Variants in FREM2 observed in about 807,000 individuals in gnomAD.
The protein encoded by FREM2 is FRAS1-related extracellular matrix protein 2.
In FREM2, 119 loss-of-function variants were observed where a neutral mutation model predicts 219.9. The observed-to-expected ratio is 0.54, with a 90% confidence interval of 0.47 to 0.63. The LOEUF is 0.63. Among genes scored for constraint, FREM2 ranks in the 30% least tolerant of loss-of-function variants. FREM2 has a pLI of 0.00. For missense variants in FREM2, 4,030 were observed against 3,993.6 expected (o/e 1.01, Z -0.25); for synonymous variants, 1,562 against 1,522.8 (o/e 1.03, Z -0.60).
chr13:38,781,265 C>T (rs1365800446), intron 4 of FREM2, among the ~76,000 whole-genome samples: 1 of 152,168 alleles, frequency 6.6e-6, no homozygotes, highest in African/African-American at 2.4e-5. Flanking sequence ...CTGGAATTCT[C>T]TTAAGTTGTT....
chr13:38,769,551 A>G, intron 3 of FREM2, 27 bp from the exon 4 acceptor site: 1 of 1,571,274 alleles, frequency 6.4e-7, no homozygotes, highest in Non-Finnish European at 8.8e-7. Flanking sequence ...AATGAAACTA[A>G]GAAAATGATA....
intron 2 of FREM2, among the ~76,000 whole-genome samples, chr13:38,704,683 T>C (rs938322236): frequency 8.5e-5 from 13 of 152,158 alleles, no homozygotes; most frequent in Non-Finnish European, 1.3e-4. Flanking sequence ...GAAAAGAGTA[T>C]CCACCTGTAT....
At chr13:38,701,347 C>T (rs1330643937) in intron 2 of FREM2, among the ~76,000 whole-genome samples, 1 of 152,094 alleles carries the variant, frequency 6.6e-6, no homozygotes, top group African/African-American at 2.4e-5. Context: ...ATATATGTAG[C>T]AACTGCCTGT....
chr13:38,863,357 A>G (rs567843237), intron 15 of FREM2, among the ~76,000 whole-genome samples: 5 of 152,186 alleles, frequency 3.3e-5, no homozygotes, highest in Non-Finnish European at 7.3e-5. Flanking sequence ...GCCAGTTTTC[A>G]ACATTTATGA....
chr13:38,861,710 T>G (rs1877770099), intron 15 of FREM2, 148 bp downstream of exon 15: 2 of 874,164 alleles, frequency 2.3e-6, no homozygotes, highest in Admixed American at 3.8e-5. Flanking sequence ...TTCAACTGTT[T>G]TAGCTTTGTT....
chr13:38,818,304 T>C (rs868636681), intron 6 of FREM2, among the ~76,000 whole-genome samples: 1 of 151,990 alleles, frequency 6.6e-6, no homozygotes, highest in Non-Finnish European at 1.5e-5. Context: ...AATGGATGAA[T>C]AGATGAAAAA....
chr13:38,856,125 G>A lies in FREM2; in HGVS notation c.6926-1G>A. On this transcript the variant is annotated splice_acceptor_variant, in intron 11 of 23. Coordinates refer to ENST00000280481, the MANE Select transcript of FREM2 (RefSeq NM_207361.6). LOFTEE classifies it high-confidence loss of function. ...TTAAATCTGTGATGTTACATTTGTA[G>A]AAATTGAGTTTAAGGAAGGGGAAAC... The A allele has an allele frequency of 6.3e-7, 1 of 1,596,160 alleles. No homozygotes were observed. Among genetic ancestry groups the A allele is most frequent in the Non-Finnish European group, 8.6e-7 (1 of 1,167,022 alleles).
chr13:38,853,317 G>GAAA lies in FREM2; in HGVS notation c.6925+1466_6925+1468dup, dbSNP rs776640338. 8.3e-3 allele frequency among the ~76,000 whole-genome samples: 473 copies of GAAA among 56,882 alleles called. 6 individuals carry two copies. Among genetic ancestry groups the GAAA allele is most frequent in the African/African-American group, 0.028 (459 of 16,662 alleles). 37.3% of individuals were successfully genotyped at this position (56,882 alleles called of 152,430 possible). A position where few individuals can be genotyped will look rare whatever the true frequency, so the allele number is the denominator to read the frequency against. On this transcript the variant is annotated intron_variant, in intron 11 of 23. Coordinates refer to ENST00000280481, the MANE Select transcript of FREM2 (RefSeq NM_207361.6). ...GAGAGACAAGCGCAAAACTCCGTCT[G>GAAA]AAAAAAAAAAAAAAAAAAACAAATC...
chr13:38,733,244 C>T (rs1871840828), intron 2 of FREM2, among the ~76,000 whole-genome samples: 2 of 151,564 alleles, frequency 1.3e-5, no homozygotes, highest in Admixed American at 1.3e-4. Flanking sequence ...AATAGACAAG[C>T]CCCTACTCCT....
intron 2 of FREM2, among the ~76,000 whole-genome samples, chr13:38,721,141 A>G (rs1012513716): frequency 1.3e-5 from 2 of 152,198 alleles, no homozygotes; most frequent in Non-Finnish European, 2.9e-5. Flanking sequence ...CATCCTGCAC[A>G]TGTACCCTGG....
chr13:38,841,466 A>G (rs1593439715), intron 6 of FREM2, among the ~76,000 whole-genome samples: 1 of 152,074 alleles, frequency 6.6e-6, no homozygotes, highest in Non-Finnish European at 1.5e-5. Context: ...GGAAAGTTGG[A>G]GATGAGGCCC....
At chr13:38,811,808 C>T (rs1875487323) in intron 6 of FREM2, among the ~76,000 whole-genome samples, 1 of 152,046 alleles carries the variant, frequency 6.6e-6, no homozygotes, top group East Asian at 1.9e-4. Flanking sequence ...CTATTAGGTC[C>T]ATTTGTTCTG....
At chr13:38,776,465 C>A in intron 4 of FREM2, among the ~76,000 whole-genome samples, 1 of 152,156 alleles carries the variant, frequency 6.6e-6, no homozygotes, top group East Asian at 1.9e-4. Flanking sequence ...AATGAAGCTA[C>A]AACTACTTTA....
intron 6 of FREM2, among the ~76,000 whole-genome samples, chr13:38,815,998 C>T (rs1173897897): frequency 6.6e-6 from 1 of 152,036 alleles, no homozygotes; most frequent in East Asian, 1.9e-4. Flanking sequence ...TGGATAAATT[C>T]CTGGACACAT....
rs781234758 is a variant in FREM2, at chr13:38,691,988, C to G, written c.4644C>G (p.Asn1548Lys). ...IHKLVVSESENKLITPFELTV... is the reference protein window; with the variant it reads ...IHKLVVSESEKKLITPFELTV... ...AGCTGGTTGTCAGTGAAAGTGAAAA[C>G]AAGCTGATTACTCCTTTTGAGCTCA... Residue 1548 changes from asparagine (N) to lysine (K), a missense_variant, in exon 1 of 24, where the codon AAC (asparagine) becomes AAG (lysine). This residue lies in a region of FREM2 where 3,102 missense variants were observed against 2,950.7 expected (regional missense o/e 1.05). Coordinates refer to ENST00000280481, the MANE Select transcript of FREM2 (RefSeq NM_207361.6). 1.2e-6 allele frequency: 2 copies of G among 1,614,230 alleles called. No homozygotes were observed. The highest frequency in any genetic ancestry group is 1.7e-6 in the Non-Finnish European group (2 of 1,180,042).
At chr13:38,705,682 A>T (rs1163597524) in intron 2 of FREM2, among the ~76,000 whole-genome samples, 1 of 152,212 alleles carries the variant, frequency 6.6e-6, no homozygotes. Flanking sequence ...AATTCATGAA[A>T]ATAAGATCAT....
intron 2 of FREM2, among the ~76,000 whole-genome samples, chr13:38,738,427 G>A (rs1280679505): frequency 1.3e-5 from 2 of 151,986 alleles, no homozygotes; most frequent in Middle Eastern, 3.4e-3. Flanking sequence ...TTAGCCAGGC[G>A]TGGTGGCACA....
chr13:38,772,709 T>G (rs1251054223), intron 4 of FREM2, among the ~76,000 whole-genome samples: 1 of 151,940 alleles, frequency 6.6e-6, no homozygotes, highest in Non-Finnish European at 1.5e-5. Context: ...CTCTTTTTTT[T>G]TTTTTAGACG....
intron 2 of FREM2, among the ~76,000 whole-genome samples, chr13:38,719,552 G>T (rs559888423): frequency 6.6e-6 from 1 of 152,232 alleles, no homozygotes; most frequent in East Asian, 1.9e-4. Context: ...CTCTCTCTGT[G>T]CTGACTTTCT....
Sources: allele counts gnomAD v4.1 joint callset (sites outside exome capture counted in the v4.1 genomes callset), GRCh38; gene constraint gnomAD v4.1.1; regional missense constraint gnomAD v4.1.1; transcripts MANE v1.5; gene names NCBI Gene and HGNC (gene_info 2026-07-23, HGNC 2026-07-21).